Variants in BCL3 observed in about 807,000 individuals in gnomAD.
BCL3 encodes BCL3 transcription coactivator, also known as B-cell lymphoma 3 protein.
A neutral mutation model predicts 35.7 loss-of-function variants in BCL3; 15 were observed. The observed-to-expected ratio is 0.42, with a 90% CI of 0.28 to 0.65. The LOEUF (loss-of-function observed/expected upper bound fraction) is 0.65. Among genes scored for constraint, BCL3 ranks in the 30% least tolerant of loss-of-function variants. The pLI is 0.22. For missense variants in BCL3, 565 were observed against 641.7 expected (o/e 0.88, Z 1.29); for synonymous variants, 311 against 284.3 (o/e 1.09, Z -0.95).
At chr19:44,748,235 A>G, upstream of BCL3, 1 of 460,284 alleles carries the variant, frequency 2.2e-6, no homozygotes, top group South Asian at 2.0e-5. Flanking sequence ...GACAGACACA[A>G]AGAGACAAAA....
chr19:44,759,273 C>T (rs953463242), intron 8 of BCL3, among the ~76,000 whole-genome samples, 155 bp from the exon 9 acceptor site: 1 of 133,110 alleles, frequency 7.5e-6, no homozygotes, highest in African/African-American at 3.1e-5. Flanking sequence ...CCTCTTTCCT[C>T]AGACCCGGGA....
chr19:44,754,798 G>C (rs1208723811), intron 2 of BCL3, among the ~76,000 whole-genome samples: 2 of 152,252 alleles, frequency 1.3e-5, no homozygotes, highest in Non-Finnish European at 2.9e-5. Context: ...ATTCACCTGC[G>C]TGATCTCACC....
At chr19:44,749,339 G>C (rs963211497) in intron 1 of BCL3, among the ~76,000 whole-genome samples, 2 of 151,486 alleles carry the variant, frequency 1.3e-5, no homozygotes, top group Admixed American at 1.3e-4. Flanking sequence ...GGGTGTCAGG[G>C]AATCAGGGCA....
chr19:44,758,441 C>A, intron 7 of BCL3, 28 bp downstream of exon 7: 2 of 1,531,926 alleles, frequency 1.3e-6, no homozygotes, highest in South Asian at 2.4e-5. Context: ...TGGACATGCC[C>A]CTTGCACACG....
At chr19:44,756,189 A>G (rs1967275456) in intron 2 of BCL3, 43 bp from the exon 3 acceptor site, 2 of 1,332,864 alleles carry the variant, frequency 1.5e-6, no homozygotes, top group South Asian at 1.9e-5. Context: ...TGAGAGGTGA[A>G]CAACCCCTAA....
Position 44,757,464 on chromosome 19 carries a change from G to A in BCL3, c.813+49G>A, listed in dbSNP as rs959584377. ...AGGGAGCGGGGCCTTAGCAGGGGCG[G>A]GGTCTTGGCGGGGGCGGGGCCAGTG... On this transcript the variant is annotated intron_variant, in intron 5 of 8. Coordinates refer to ENST00000164227, the MANE Select transcript of BCL3 (RefSeq NM_005178.5). This position sits in a 1 kb window ranked among gnomAD's most constrained non-coding sequence, Gnocchi z 8.4. The A allele has an allele frequency of 1.3e-6, 2 of 1,519,786 alleles. No homozygotes were observed. The highest frequency in any genetic ancestry group is 1.8e-6 in the Non-Finnish European group (2 of 1,121,394). 94.1% of individuals were successfully genotyped at this position (1,519,786 alleles called of 1,614,324 possible). A position where few individuals can be genotyped will look rare whatever the true frequency, so the allele number is the denominator to read the frequency against.
chr19:44,752,190 CT>C (rs1265712328), intron 2 of BCL3, among the ~76,000 whole-genome samples: 3 of 150,378 alleles, frequency 2.0e-5, no homozygotes, highest in Non-Finnish European at 4.4e-5. Flanking sequence ...TTCTTTTTTT[CT>C]TTTTTTCTTT....
At chr19:44,752,103 CACACACAA>C in intron 2 of BCL3, among the ~76,000 whole-genome samples, 1 of 149,784 alleles carries the variant, frequency 6.7e-6, no homozygotes, top group Non-Finnish European at 1.5e-5. Context: ...CACACACACA[CACACACAA>C]ACTTGAAATT....
chr19:44,748,693 A>G, upstream of BCL3: 2 of 1,044,064 alleles, frequency 1.9e-6, no homozygotes, highest in South Asian at 9.1e-5. Flanking sequence ...AAGTCCCTTC[A>G]GTTCAGCCGG....
At position 44,757,663 on chromosome 19, in the gene BCL3, C is replaced by T. The variant is rs1428018169; in HGVS notation, c.831C>T (p.Arg277=). 7 of 1,613,904 alleles carry T rather than the reference C, an allele frequency of 4.3e-6. No individual in the cohort carries two copies. The highest frequency in any genetic ancestry group is 1.1e-5 in the South Asian group (1 of 91,082). ...CGCCGCAGGACATTAAGAGCGGCCGCTCCCCGCTCATCCACGCCGTGGAAA... is the reference window on the plus strand; with the variant it reads ...CGCCGCAGGACATTAAGAGCGGCCGTTCCCCGCTCATCCACGCCGTGGAAA... The part of the protein sequence containing the change: ...DIDAVDIKSG[R]SPLIHAVENN... The change falls in exon 6 of 9, where the codon CGC becomes CGT. Residue 277 remains arginine (R), a synonymous_variant. Coordinates refer to ENST00000164227, the MANE Select transcript of BCL3 (RefSeq NM_005178.5). The surrounding 1 kb of genome is among the most constrained non-coding windows in gnomAD (Gnocchi z 8.4).
At chr19:44,747,708 C>T, upstream of BCL3, 1 of 585,974 alleles carries the variant, frequency 1.7e-6, no homozygotes, top group Non-Finnish European at 2.3e-6. Context: ...GGAAGCCAAA[C>T]TGCTCCCCGC....
chr19:44,756,487 C>G, intron 3 of BCL3, 147 bp downstream of exon 3: 1 of 544,226 alleles, frequency 1.8e-6, no homozygotes, highest in South Asian at 4.0e-5. Flanking sequence ...GGTGCCTGGA[C>G]TCCTGGGTCT....
upstream of BCL3, chr19:44,748,133 G>A (rs1265494777): frequency 2.3e-6 from 3 of 1,294,580 alleles, no homozygotes; most frequent in South Asian, 3.8e-5. Context: ...CAGCGAGTAA[G>A]TGGGAACCGA....
chr19:44,755,139 G>C (rs1245849478), intron 2 of BCL3: 1 of 152,516 alleles, frequency 6.6e-6, no homozygotes, highest in Non-Finnish European at 1.5e-5. Context: ...GCGTGCACAA[G>C]CACGCACGCA....
chr19:44,758,089 C>T (rs1279553935), intron 6 of BCL3, among the ~76,000 whole-genome samples, 157 bp from the exon 7 acceptor site: 2 of 152,212 alleles, frequency 1.3e-5, no homozygotes, highest in African/African-American at 4.8e-5. Flanking sequence ...AACGCAGTCC[C>T]GCTTGGCCTG....
In BCL3 at chr19:44,759,500, C is replaced by T. The variant is rs1303486388; in HGVS notation, c.1250C>T (p.Ala417Val). 3 of 1,612,932 alleles carry T rather than the reference C, an allele frequency of 1.9e-6. No homozygotes were observed. In the Admixed American group the frequency reaches 5.0e-5, roughly 27 times the overall value. Residue 417 changes from alanine (A) to valine (V), a missense_variant, in exon 9 of 9, where the codon GCT becomes GTT. Ala to Val is a moderately conservative substitution (Grantham distance 64). Around this residue, in one of 5 missense-constraint regions of BCL3, gnomAD observed 151 missense variants for 138.1 expected, o/e 1.09. Coordinates refer to ENST00000164227, the MANE Select transcript of BCL3 (RefSeq NM_005178.5). ...PPRDPPGFPM[A>V]PPNFFLPSPS... ...AGGGACCCCCCTGGATTCCCCATGGCTCCTCCCAATTTCTTCCTTCCTTCC... is the reference window on the plus strand; with the variant it reads ...AGGGACCCCCCTGGATTCCCCATGGTTCCTCCCAATTTCTTCCTTCCTTCC...
In BCL3 at chr19:44,759,571, C is replaced by T. The variant is rs1458864299; in HGVS notation, c.1321C>T (p.Pro441Ser). Reference sequence around the variant, plus strand: ...GCCCTTTGCTGGGGTCCTCCGAGGCCCTGGCCGGCCGGTGCCCCCCTCCCC... The same window carrying T: ...GCCCTTTGCTGGGGTCCTCCGAGGCTCTGGCCGGCCGGTGCCCCCCTCCCC... The part of the protein sequence containing the change: ...FLPFAGVLRG[P>S]GRPVPPSPAP... Residue 441 changes from proline to serine, a missense_variant, in exon 9 of 9, where the codon CCT becomes TCT. Transcript: ENST00000164227. The T allele has an allele frequency of 6.2e-7, 1 of 1,610,532 alleles. No homozygotes were observed. Among genetic ancestry groups the T allele is most frequent in the Admixed American group, 1.7e-5 (1 of 59,838 alleles).
At chr19:44,754,250 G>A (rs980316168) in intron 2 of BCL3, among the ~76,000 whole-genome samples, 65 of 152,160 alleles carry the variant, frequency 4.3e-4, no homozygotes, top group Non-Finnish European at 7.4e-5. Flanking sequence ...GGATAAGGAG[G>A]ACTTGCAGCC....
chr19:44,747,874 C>T (rs1967094403), upstream of BCL3: 1 of 1,144,072 alleles, frequency 8.7e-7, no homozygotes, highest in Non-Finnish European at 1.1e-6. Flanking sequence ...CCCGCGGGCC[C>T]CGGCTGGGGG....
Sources: allele counts gnomAD v4.1 joint callset (sites outside exome capture counted in the v4.1 genomes callset), GRCh38; gene constraint gnomAD v4.1.1; regional missense constraint gnomAD v4.1.1; non-coding constraint Gnocchi (gnomAD v3.1); transcripts MANE v1.5; gene names NCBI Gene and HGNC (gene_info 2026-07-23, HGNC 2026-07-21).